Variants in FRMD3 observed in about 807,000 individuals in gnomAD.
FRMD3 encodes FERM domain-containing protein 3.
A neutral mutation model predicts 70.2 loss-of-function variants in FRMD3; 33 were observed. The ratio of observed to expected loss-of-function variants is 0.47; its 90% confidence interval spans 0.36 to 0.63. The LOEUF is 0.63. Among genes scored for constraint, FRMD3 ranks in the 20% least tolerant of loss-of-function variants. The pLI is 0.00. For missense variants in FRMD3, 632 were observed against 711.4 expected, an observed-to-expected ratio of 0.89 and a Z score of 1.27; for synonymous variants, 279 against 255.9, an observed-to-expected ratio of 1.09 and a Z score of -0.86.
intron 13 of FRMD3, among the ~76,000 whole-genome samples, chr9:83,263,778 TA>T (rs1222332416): frequency 6.6e-6 from 1 of 151,990 alleles, no homozygotes; most frequent in Non-Finnish European, 1.5e-5. Context: ...AGAGACAATA[TA>T]AAAAATGATA....
chr9:83,388,218 T>C (rs1446175512), intron 2 of FRMD3, among the ~76,000 whole-genome samples: 2 of 152,212 alleles, frequency 1.3e-5, no homozygotes, highest in East Asian at 3.8e-4. Flanking sequence ...ATTCCTTAAA[T>C]ATCCTCTTAT....
intron 1 of FRMD3, among the ~76,000 whole-genome samples, chr9:83,471,118 G>A (rs943332711): frequency 6.6e-6 from 1 of 152,216 alleles, no homozygotes; most frequent in Non-Finnish European, 1.5e-5. Flanking sequence ...AGACAGGTGA[G>A]AGGAAATTGA....
the FRMD3 span, among the ~76,000 whole-genome samples, chr9:83,547,010 G>T: frequency 6.6e-6 from 1 of 151,304 alleles, no homozygotes; most frequent in Non-Finnish European, 1.5e-5. Context: ...CAAGGTAAAG[G>T]CATGGAAAAA....
chr9:83,267,889 C>T (rs1833348790), intron 13 of FRMD3, among the ~76,000 whole-genome samples: 1 of 152,206 alleles, frequency 6.6e-6, no homozygotes, highest in Admixed American at 6.5e-5. Flanking sequence ...TCATGGTAAT[C>T]TCAGCTCTTT....
At chr9:83,406,344 G>C (rs1300826224) in intron 1 of FRMD3, among the ~76,000 whole-genome samples, 3 of 152,174 alleles carry the variant, frequency 2.0e-5, no homozygotes, top group African/African-American at 7.2e-5. Context: ...AAGGCTACTA[G>C]AGCCAAGGAA....
intron 13 of FRMD3, chr9:83,276,342 C>T (rs1258299038): frequency 6.6e-6 from 1 of 152,186 alleles, no homozygotes; most frequent in African/African-American, 2.4e-5. Context: ...TCCCTCCAGA[C>T]ATAAGTCATA....
intron 1 of FRMD3, among the ~76,000 whole-genome samples, chr9:83,529,240 T>C (rs1467971355): frequency 6.6e-6 from 1 of 152,180 alleles, no homozygotes; most frequent in Admixed American, 6.5e-5. Context: ...AGTTGCTTTT[T>C]TCAACAAATG....
chr9:83,413,932 C>T (rs1163277789), intron 1 of FRMD3, among the ~76,000 whole-genome samples: 1 of 152,114 alleles, frequency 6.6e-6, no homozygotes, highest in Non-Finnish European at 1.5e-5. Flanking sequence ...AATAATTATT[C>T]CAAGAAATGA....
In FRMD3 at chr9:83,378,725, T is replaced by C. The variant is rs1394057537; in HGVS notation, c.253-5770A>G. Among the ~76,000 whole-genome samples the C allele has an allele frequency of 2.0e-3, 209 of 106,878 alleles. 1 individual carries two copies. Among genetic ancestry groups the C allele is most frequent in the Admixed American group, 6.8e-3 (60 of 8,850 alleles). The allele number at this position is 106,878 out of a possible 152,430, so 70.1% of individuals were successfully genotyped here. A position where few individuals can be genotyped will look rare whatever the true frequency, so the allele number is the denominator to read the frequency against. Reference sequence around the variant, plus strand: ...TAATATGTATACTTTATATTATATATAATATATATACTTTATATTATATAT... The same window carrying C: ...TAATATGTATACTTTATATTATATACAATATATATACTTTATATTATATAT... On this transcript the variant is annotated intron_variant, in intron 2 of 13. Coordinates refer to ENST00000304195, the MANE Select transcript of FRMD3 (RefSeq NM_174938.6).
the FRMD3 span, among the ~76,000 whole-genome samples, chr9:83,567,032 C>A: frequency 6.6e-6 from 1 of 152,234 alleles, no homozygotes; most frequent in African/African-American, 2.4e-5. Context: ...ACTGCCCTAG[C>A]AGAGGTTCTC....
At chr9:83,435,048 C>T (rs549234800) in intron 1 of FRMD3, among the ~76,000 whole-genome samples, 115 of 152,024 alleles carry the variant, frequency 7.6e-4, no homozygotes, top group Non-Finnish European at 1.4e-3. Context: ...AGGCTGGTCT[C>T]GAACTCCTGA....
intron 3 of FRMD3, among the ~76,000 whole-genome samples, chr9:83,362,414 C>A (rs1048780576): frequency 6.6e-6 from 1 of 152,200 alleles, no homozygotes; most frequent in African/African-American, 2.4e-5. Flanking sequence ...CCACTGTCAT[C>A]AGCCAGCAAC....
intron 1 of FRMD3, among the ~76,000 whole-genome samples, chr9:83,408,518 C>T (rs1826190792): frequency 1.3e-5 from 2 of 152,320 alleles, no homozygotes; most frequent in South Asian, 4.1e-4. Context: ...AAACTAGGCA[C>T]AACCCCCAGG....
rs1029015274 is a variant in FRMD3, at chr9:83,537,464, G to A, written c.147+621C>T. Among the ~76,000 whole-genome samples the A allele has an allele frequency of 2.0e-5, 3 of 152,190 alleles. No individual in the cohort carries two copies. The highest frequency in any genetic ancestry group is 7.2e-5 in the African/African-American group (3 of 41,456). ...CGAGGTAGCTCCAGTCCGGCGCAGCGCGCGCTCCATCCCTCAAGGCTGGCG... is the reference window on the plus strand; with the variant it reads ...CGAGGTAGCTCCAGTCCGGCGCAGCACGCGCTCCATCCCTCAAGGCTGGCG... On this transcript the variant is annotated intron_variant, in intron 1 of 13. Transcript: ENST00000304195. The surrounding 1 kb of genome is among the most constrained non-coding windows in gnomAD (Gnocchi z 4.1).
chr9:83,428,404 G>A (rs552392960), intron 1 of FRMD3, among the ~76,000 whole-genome samples: 2 of 151,604 alleles, frequency 1.3e-5, no homozygotes, highest in African/African-American at 4.8e-5. Flanking sequence ...GTTTATAGTA[G>A]CATACTTTGT....
At chr9:83,322,747 C>T (rs182977547) in intron 6 of FRMD3, among the ~76,000 whole-genome samples, 14 of 152,268 alleles carry the variant, frequency 9.2e-5, no homozygotes, top group African/African-American at 3.4e-4. Context: ...TTTCTCCATG[C>T]CCAGGAACCT....
At chr9:83,475,077 A>G (rs1346052320) in intron 1 of FRMD3, among the ~76,000 whole-genome samples, 1 of 152,204 alleles carries the variant, frequency 6.6e-6, no homozygotes, top group Non-Finnish European at 1.5e-5. Flanking sequence ...AAGAGCCTCC[A>G]TCATTTTTTA....
chr9:83,312,016 T>C lies in FRMD3; in HGVS notation c.685-41A>G, dbSNP rs541659221. ...AAGAAAAAAGAAAAATCTGTTTAGATTGAGAAAAATAAAATAAATGATAAC... is the reference window on the plus strand; with the variant it reads ...AAGAAAAAAGAAAAATCTGTTTAGACTGAGAAAAATAAAATAAATGATAAC... On this transcript the variant is annotated intron_variant, in intron 7 of 13. Coordinates refer to ENST00000304195, the MANE Select transcript of FRMD3 (RefSeq NM_174938.6). The C allele has an allele frequency of 1.2e-5, 17 of 1,429,060 alleles. No individual in the cohort carries two copies. In the Admixed American group the frequency reaches 1.7e-4, roughly 14 times the overall value. The allele number at this position is 1,429,060 out of a possible 1,614,324, so 88.5% of individuals were successfully genotyped here.
intron 6 of FRMD3, among the ~76,000 whole-genome samples, chr9:83,324,422 TA>T (rs1317429469): frequency 2.6e-5 from 4 of 152,166 alleles, no homozygotes; most frequent in African/African-American, 9.7e-5. Context: ...CAAGCAATGT[TA>T]GGGGATCATG....
Sources: gnomAD v4.1 joint callset for allele counts (sites outside exome capture counted in the v4.1 genomes callset) on GRCh38, gnomAD v4.1.1 for gene constraint, Gnocchi (gnomAD v3.1) non-coding constraint, MANE v1.5 for transcripts, NCBI Gene and HGNC (gene_info 2026-07-23, HGNC 2026-07-21) for gene names.